Variants in EGLN1 observed in about 807,000 individuals in gnomAD.
The protein encoded by EGLN1 is egl-9 family hypoxia inducible factor 1.
A neutral mutation model predicts 38.3 loss-of-function variants in EGLN1; 17 were observed. That is an observed-to-expected ratio of 0.44 (90% confidence interval 0.30 to 0.67). The LOEUF is 0.67. EGLN1 is among the 30% of genes least tolerant of loss of function. EGLN1 has a pLI of 0.08. For missense variants in EGLN1, 477 were observed against 603.3 expected, an observed-to-expected ratio of 0.79 and a Z score of 2.19; for synonymous variants, 283 against 257.5, an observed-to-expected ratio of 1.10 and a Z score of -0.95.
intron 1 of EGLN1, among the ~76,000 whole-genome samples, chr1:231,418,573 GATT>G (rs1436160304): frequency 5.3e-5 from 8 of 152,142 alleles, no homozygotes; most frequent in Non-Finnish European, 1.2e-4. Context: ...ACAGAATTAA[GATT>G]ATTGTGGCCA....
chr1:231,373,394 A>G (rs1055001378), intron 2 of EGLN1, among the ~76,000 whole-genome samples: 16 of 152,250 alleles, frequency 1.1e-4, no homozygotes, highest in Admixed American at 3.3e-4. Flanking sequence ...TCTAAAAACT[A>G]TTAAAAGGAA....
chr1:231,373,738 T>C (rs2102897963), intron 2 of EGLN1, among the ~76,000 whole-genome samples: 1 of 152,142 alleles, frequency 6.6e-6, no homozygotes, highest in South Asian at 2.1e-4. Flanking sequence ...ACATGGAGTC[T>C]ACCCTCTTAA....
intron 1 of EGLN1, among the ~76,000 whole-genome samples, chr1:231,412,694 T>A (rs1688984408): frequency 6.6e-6 from 1 of 152,200 alleles, no homozygotes. Context: ...ACAGTAGTAG[T>A]AGCTAGCACA....
intron 3 of EGLN1, among the ~76,000 whole-genome samples, chr1:231,369,277 T>A (rs1687751204): frequency 6.6e-6 from 1 of 152,172 alleles, no homozygotes; most frequent in African/African-American, 2.4e-5. Flanking sequence ...AGCACCACCT[T>A]CGTTCCTCAA....
rs1158341530 is a variant in EGLN1 at position 231,421,919 on chromosome 1, G to GGCGGCCGAACAGGAGGGGTA, written c.-32_-31insTACCCCTCCTGTTCGGCCGC. On this transcript the variant is annotated 5_prime_UTR_variant, in exon 1 of 5. Coordinates refer to ENST00000366641, the MANE Select transcript of EGLN1 (RefSeq NM_022051.3). The surrounding 1 kb of genome is among the most constrained non-coding windows in gnomAD (Gnocchi z 5.5). ...CGGCGGCGGCGGCGACGGCGACTGC[G>GGCGGCCGAACAGGAGGGGTA]GCGGCCGAGCAGGAGGGGTAGCGGC... 5.3e-5 allele frequency: 73 copies of GGCGGCCGAACAGGAGGGGTA among 1,379,822 alleles called. 1 individual carries two copies. Among genetic ancestry groups the GGCGGCCGAACAGGAGGGGTA allele is most frequent in the Admixed American group, 2.6e-4 (7 of 27,076 alleles). The allele number at this position is 1,379,822 out of a possible 1,614,324, so 85.5% of individuals were successfully genotyped here.
chr1:231,379,330 T>C (rs1325868774), intron 1 of EGLN1, among the ~76,000 whole-genome samples: 1 of 152,236 alleles, frequency 6.6e-6, no homozygotes, highest in African/African-American at 2.4e-5. Context: ...ATAGCCTCGA[T>C]AGGTTCTTGG....
chr1:231,373,008 A>T (rs529495983), intron 2 of EGLN1, among the ~76,000 whole-genome samples: 1 of 152,342 alleles, frequency 6.6e-6, no homozygotes, highest in Admixed American at 6.5e-5. Context: ...TGTTATACTT[A>T]AGATTTTAAA....
chr1:231,376,642 T>G (rs1413647929), intron 1 of EGLN1, among the ~76,000 whole-genome samples: 1 of 152,204 alleles, frequency 6.6e-6, no homozygotes, highest in Non-Finnish European at 1.5e-5. Context: ...TATTGTACTA[T>G]GAAATCTGGT....
chr1:231,408,439 T>C (rs77508389), intron 1 of EGLN1, among the ~76,000 whole-genome samples: 1,882 of 152,266 alleles, frequency 0.012, 22 homozygotes, highest in Non-Finnish European at 0.018. Flanking sequence ...AAGAATCAAA[T>C]TGTATCCTTA....
chr1:231,412,854 C>T (rs1473875875), intron 1 of EGLN1, among the ~76,000 whole-genome samples: 5 of 152,134 alleles, frequency 3.3e-5, no homozygotes, highest in African/African-American at 1.2e-4. Context: ...CAAAATAAAA[C>T]AATAATTTCC....
intron 1 of EGLN1, among the ~76,000 whole-genome samples, chr1:231,411,380 T>C (rs1688938526): frequency 6.6e-6 from 1 of 152,220 alleles, no homozygotes; most frequent in Non-Finnish European, 1.5e-5. Flanking sequence ...TGCTTTTCTT[T>C]ATAAATTACC....
intron 2 of EGLN1, among the ~76,000 whole-genome samples, chr1:231,372,913 A>C (rs1182918249): frequency 3.3e-5 from 5 of 152,202 alleles, no homozygotes; most frequent in Non-Finnish European, 7.3e-5. Flanking sequence ...TGACTTAAAA[A>C]CAACAAAAAA....
At chr1:231,377,929 C>A (rs575393928) in intron 1 of EGLN1, among the ~76,000 whole-genome samples, 1 of 152,152 alleles carries the variant, frequency 6.6e-6, no homozygotes, top group South Asian at 2.1e-4. Context: ...TTAAATCTCA[C>A]GTTTTGAAGA....
intron 4 of EGLN1, 147 bp downstream of exon 4, chr1:231,367,422 A>T (rs1171801051): frequency 3.5e-6 from 3 of 867,464 alleles, no homozygotes; most frequent in African/African-American, 1.7e-5. Context: ...ATGTCTTCTT[A>T]AAAAATGAGG....
At chr1:231,401,864 AACTTT>A (rs1397504604) in intron 1 of EGLN1, among the ~76,000 whole-genome samples, 1 of 152,166 alleles carries the variant, frequency 6.6e-6, no homozygotes, top group Non-Finnish European at 1.5e-5. Flanking sequence ...ATTTATACTT[AACTTT>A]ATGAGAAATG....
chr1:231,388,435 G>A (rs1487720771), intron 1 of EGLN1, among the ~76,000 whole-genome samples: 4 of 152,136 alleles, frequency 2.6e-5, no homozygotes, highest in Non-Finnish European at 4.4e-5. Context: ...CAGCCTGCCA[G>A]GAGGTTCTAC....
chr1:231,407,014 A>C (rs1023368213), intron 1 of EGLN1, among the ~76,000 whole-genome samples: 4 of 152,198 alleles, frequency 2.6e-5, no homozygotes, highest in Non-Finnish European at 5.9e-5. Context: ...ATCTGTGGTA[A>C]ATATTTCTTA....
intron 1 of EGLN1, among the ~76,000 whole-genome samples, chr1:231,406,027 G>C (rs1180205152): frequency 2.1e-5 from 2 of 94,420 alleles, no homozygotes; most frequent in East Asian, 6.0e-4. Context: ...CTATTACTAA[G>C]GCTTTTTTTT....
intron 1 of EGLN1, among the ~76,000 whole-genome samples, chr1:231,384,777 T>C (rs2486737): frequency 0.55 from 82,935 of 152,086 alleles, 24,238 homozygotes; most frequent in Non-Finnish European, 0.65. Flanking sequence ...TGCCTGTTTT[T>C]ATAAGTAAAG....
Sources: gnomAD v4.1 joint callset for allele counts (sites outside exome capture counted in the v4.1 genomes callset) on GRCh38, gnomAD v4.1.1 for gene constraint, Gnocchi (gnomAD v3.1) non-coding constraint, MANE v1.5 for transcripts, NCBI Gene and HGNC (gene_info 2026-07-23, HGNC 2026-07-21) for gene names.